Variants in PKD1 observed in about 807,000 individuals in gnomAD.
PKD1 encodes polycystin-1.
A neutral mutation model predicts 361.7 loss-of-function variants in PKD1; 81 were observed. That is an observed-to-expected ratio of 0.22 (90% CI 0.19 to 0.27). The LOEUF is 0.27. Ranked by LOEUF, PKD1 falls within the 10% of genes least tolerant of loss-of-function variation. The pLI is 1.00. For missense variants in PKD1, 6,399 were observed against 6,118.3 expected (o/e 1.05, Z -1.53); for synonymous variants, 3,615 against 2,818.3 (o/e 1.28, Z -8.95).
At position 2,112,950 on chromosome 16, in the gene PKD1, T is replaced by C; in HGVS notation, c.2999A>G (p.Asn1000Ser). The C allele has an allele frequency of 1.2e-6, 2 of 1,600,736 alleles. No individual in the cohort carries two copies. The highest frequency in any genetic ancestry group is 1.3e-5 in the African/African-American group (1 of 74,976). ...AVFKLSLTAS[N>S]HVSNVTVNYN... ...GTTCACGGTGACGTTGCTCACGTGG[T>C]TGGAGGCCGTCAGCTGCAGGGACAG... The change falls in exon 13 of 46, where the codon AAC becomes AGC. Residue 1000 changes from asparagine (N) to serine (S), a missense_variant. Asn to Ser is a conservative substitution (Grantham distance 46). Coordinates refer to ENST00000262304, the MANE Select transcript of PKD1 (RefSeq NM_001009944.3).
At position 2,108,408 on chromosome 16, in the gene PKD1, G is replaced by A. The variant is rs146131839; in HGVS notation, c.6759C>T (p.Pro2253=). ...CCTCAATGATGGGCACCAGGCGCTC[G>A]GGGGCCACCGTCACATTGGCCTGGA... The part of the protein sequence containing the change: ...QSIQANVTVA[P]ERLVPIIEGG... Residue 2253 remains proline, a synonymous_variant, in exon 15 of 46, where the codon CCC becomes CCT. Coordinates refer to ENST00000262304, the MANE Select transcript of PKD1 (RefSeq NM_001009944.3). The A allele has an allele frequency of 5.8e-5, 93 of 1,610,300 alleles. No homozygotes were observed. Among genetic ancestry groups the A allele is most frequent in the African/African-American group, 3.7e-4 (28 of 74,854 alleles).
Position 2,111,149 on chromosome 16 carries a change from G to A in PKD1, c.4018C>T (p.Arg1340Trp), listed in dbSNP as rs143690392. 3.6e-3 allele frequency: 5,775 copies of A among 1,611,100 alleles called. 15 individuals are homozygous for A. The highest frequency in any genetic ancestry group is 4.3e-3 in the Non-Finnish European group (5,083 of 1,179,744). ...FGDGSSNTTV[R>W]GCPTVTHNFT... ...TTGTGTGTCACCGTCGGGCACCCCCGCACGGTCGTGTTGGAGGAGCCATCC... is the reference window on the plus strand; with the variant it reads ...TTGTGTGTCACCGTCGGGCACCCCCACACGGTCGTGTTGGAGGAGCCATCC... The change falls in exon 15 of 46, where the codon CGG becomes TGG. Residue 1340 changes from arginine to tryptophan, a missense_variant. Transcript: ENST00000262304.
In PKD1 at chr16:2,097,161, GGTCC is replaced by G; in HGVS notation, c.10482_10485del (p.Asp3495CysfsTer31). The G allele has an allele frequency of 6.4e-7, 1 of 1,551,634 alleles. No individual in the cohort carries two copies. The highest frequency in any genetic ancestry group is 8.7e-7 in the Non-Finnish European group (1 of 1,147,538). On this transcript the variant is annotated frameshift_variant, in exon 34 of 46. Coordinates refer to ENST00000262304, the MANE Select transcript of PKD1 (RefSeq NM_001009944.3). LOFTEE classifies it high-confidence loss of function. ...CCGGACACTCACAGGCTGCTGAGCA[GGTCC>G]GTTTCCATGTGGGTGTCTTGGGTAG...
rs778770945 is a variant in PKD1 at position 2,090,738 on chromosome 16, T to C, written c.12074A>G (p.Glu4025Gly). Residue 4025 changes from glutamate to glycine, a missense_variant, in exon 44 of 46, where the codon GAG becomes GGG. Coordinates refer to ENST00000262304, the MANE Select transcript of PKD1 (RefSeq NM_001009944.3). ...FGKTLCRALP[E>G]LLGVTLGLVV... ...CAGGCCCAAGGTGACCCCCAGGAGCTCTGGCAGAGCTCGGCATAATGTCTT... is the reference window on the plus strand; with the variant it reads ...CAGGCCCAAGGTGACCCCCAGGAGCCCTGGCAGAGCTCGGCATAATGTCTT... 1.1e-5 allele frequency: 17 copies of C among 1,612,394 alleles called. No homozygotes were observed. The highest frequency in any genetic ancestry group is 1.4e-5 in the Non-Finnish European group (17 of 1,179,928).
intron 6 of PKD1, 148 bp downstream of exon 6, chr16:2,117,341 G>A (rs1190994693): frequency 4.7e-6 from 3 of 633,008 alleles, no homozygotes; most frequent in African/African-American, 1.8e-5. Context: ...AGAGCTGACA[G>A]GAACGGCCCC....
intron 26 of PKD1, 102 bp downstream of exon 26, chr16:2,101,959 C>T (rs2092114589): frequency 1.4e-6 from 1 of 740,376 alleles, no homozygotes; most frequent in Non-Finnish European, 2.4e-6. Context: ...ACTGCAAAAA[C>T]TGCCTTGTTC....
In PKD1 at chr16:2,099,425, G is replaced by A. The variant is rs1379802406; in HGVS notation, c.10050+219C>T. ...TGCAGTCGTCCGTGGCGTCTGCTTA[G>A]CAAAGTGCCCTCGTTCTTTCACCAT... On this transcript the variant is annotated intron_variant, in intron 30 of 45. Coordinates refer to ENST00000262304, the MANE Select transcript of PKD1 (RefSeq NM_001009944.3). 6 of 649,774 alleles carry A rather than the reference G, an allele frequency of 9.2e-6. No homozygotes were observed. The Admixed American group carries it at 1.3e-4, about 14-fold the overall frequency. 40.3% of individuals were successfully genotyped at this position (649,774 alleles called of 1,614,324 possible). A position where few individuals can be genotyped will look rare whatever the true frequency, so the allele number is the denominator to read the frequency against.
In PKD1 at chr16:2,103,424, T is replaced by C. The variant is rs372739547; in HGVS notation, c.8633A>G (p.Asn2878Ser). ...GCCCCGGGCAGCCCAGTCCGAGTTG[T>C]TGGGCACCTTCACGGTGATGGCGCG... Reference protein sequence around the residue: ...SERAITVKVPNNSDWAARGHR... With the variant: ...SERAITVKVPSNSDWAARGHR... The change falls in exon 23 of 46, where the codon AAC becomes AGC. Residue 2878 changes from asparagine to serine, a missense_variant. Coordinates refer to ENST00000262304, the MANE Select transcript of PKD1 (RefSeq NM_001009944.3). 1 of 1,599,268 alleles carries C rather than the reference T, an allele frequency of 6.3e-7. No homozygotes were observed.
chr16:2,120,037 C>T (rs1430567624), intron 1 of PKD1: 8 of 590,538 alleles, frequency 1.4e-5, no homozygotes, highest in Non-Finnish European at 2.4e-5. Flanking sequence ...CACAGTGAGA[C>T]CCCGTATCTA....
chr16:2,098,307 C>G lies in PKD1; in HGVS notation c.10051-323G>C. 7.2e-6 allele frequency: 3 copies of G among 416,186 alleles called. 1 individual carries two copies. Among genetic ancestry groups the G allele is most frequent in the South Asian group, 6.6e-5 (3 of 45,308 alleles). The allele number at this position is 416,186 out of a possible 1,614,324, so 25.8% of individuals were successfully genotyped here. On this transcript the variant is annotated intron_variant, in intron 30 of 45. Transcript: ENST00000262304. Reference sequence around the variant, plus strand: ...CACTGCAACCTCCACCTCCCGCGTTCAGGCGATTGTCCTGGCTCAGCCTCC... The same window carrying G: ...CACTGCAACCTCCACCTCCCGCGTTGAGGCGATTGTCCTGGCTCAGCCTCC...
In PKD1 at chr16:2,099,554, G is replaced by A. The variant is rs956360199; in HGVS notation, c.10050+90C>T. ...GCCTTTGGTGGACGCCTTTCCCTCT[G>A]GCTGCAGCACTGGAAAGTGGCGGCC... On this transcript the variant is annotated intron_variant, in intron 30 of 45. Transcript: ENST00000262304. The A allele has an allele frequency of 9.4e-6, 12 of 1,272,272 alleles. No individual in the cohort carries two copies. The African/African-American group carries it at 1.8e-4, about 19-fold the overall frequency. The allele number at this position is 1,272,272 out of a possible 1,614,324, so 78.8% of individuals were successfully genotyped here. A position where few individuals can be genotyped will look rare whatever the true frequency, so the allele number is the denominator to read the frequency against.
chr16:2,109,694 A>G lies in PKD1; in HGVS notation c.5473T>C (p.Phe1825Leu). 6.3e-7 allele frequency: 1 copy of G among 1,594,098 alleles called. No homozygotes were observed. Among genetic ancestry groups the G allele is most frequent in the South Asian group, 1.1e-5 (1 of 89,060 alleles). Residue 1825 changes from phenylalanine (F) to leucine (L), a missense_variant, in exon 15 of 46, where the codon TTT (phenylalanine) becomes CTT (leucine). By Grantham distance (22) the Phe-to-Leu change is conservative. Transcript: ENST00000262304. Reference sequence around the variant, plus strand: ...GTGCCCGTGGCCAGCTGCCCCCAAAAGGGCACAGAGGACCCGGCCGCCACG... The same window carrying G: ...GTGCCCGTGGCCAGCTGCCCCCAAAGGGGCACAGAGGACCCGGCCGCCACG... Reference protein sequence around the residue: ...SFVAAGSSVPFWGQLATGTNV... With the variant: ...SFVAAGSSVPLWGQLATGTNV...
rs747318092 is a variant in PKD1 at position 2,102,672 on chromosome 16, C to G, written c.8949-39G>C. 3.7e-6 allele frequency: 6 copies of G among 1,610,542 alleles called. No individual in the cohort carries two copies. The African/African-American group carries it at 8.0e-5, about 21-fold the overall frequency. ...GGGTAGCGGACGTGAGCCCAGGCTC[C>G]GCCAGGTTGGATGTCGCAGTCTCAG... is the stretch of plus-strand genomic sequence containing the variant. On this transcript the variant is annotated intron_variant, in intron 24 of 45. Coordinates refer to ENST00000262304, the MANE Select transcript of PKD1 (RefSeq NM_001009944.3).
chr16:2,112,241 G>A (rs2092531651), intron 14 of PKD1, 99 bp downstream of exon 14: 11 of 1,033,772 alleles, frequency 1.1e-5, no homozygotes, highest in Non-Finnish European at 1.6e-5. Flanking sequence ...CACAGTGAGG[G>A]CTGTTGGGGA....
At position 2,088,740 on chromosome 16, in the gene PKD1, C is replaced by A; in HGVS notation, c.*987G>T. Reference sequence around the variant, plus strand: ...CAGACAGCTCTTTTATTGACTTTGTCTGCTTGGTGCGGGGGTTGGGGGGGT... The same window carrying A: ...CAGACAGCTCTTTTATTGACTTTGTATGCTTGGTGCGGGGGTTGGGGGGGT... On this transcript the variant is annotated 3_prime_UTR_variant, in exon 46 of 46. Transcript: ENST00000262304. 7.7e-7 allele frequency: 1 copy of A among 1,302,276 alleles called. No individual in the cohort carries two copies. The highest frequency in any genetic ancestry group is 1.0e-6 in the Non-Finnish European group (1 of 953,416). 80.7% of individuals were successfully genotyped at this position (1,302,276 alleles called of 1,614,324 possible).
chr16:2,102,960 C>A lies in PKD1; in HGVS notation c.8802G>T (p.Leu2934=). The change falls in exon 24 of 46, where the codon CTG becomes CTT. Residue 2934 remains leucine (L), a synonymous_variant. Coordinates refer to ENST00000262304, the MANE Select transcript of PKD1 (RefSeq NM_001009944.3). The stretch of plus-strand genomic sequence containing the variant: ...CCAGGTAGGGCTCAGGTTCCTCAGA[C>A]AGGTAGTGGCCTGGGGCAGAACGCG... The part of the protein sequence containing the change: ...LNYTLLDGHY[L]SEEPEPYLAV... 1.9e-6 allele frequency: 3 copies of A among 1,605,388 alleles called. No individual in the cohort carries two copies. Among genetic ancestry groups the A allele is most frequent in the Non-Finnish European group, 1.7e-6 (2 of 1,179,742 alleles).
chr16:2,093,618 G>C lies in PKD1; in HGVS notation c.10942C>G (p.Pro3648Ala). The C allele has an allele frequency of 2.5e-6, 4 of 1,609,262 alleles. No individual in the cohort carries two copies. Among genetic ancestry groups the C allele is most frequent in the Non-Finnish European group, 3.4e-6 (4 of 1,178,270 alleles). ...AGGAAGAGTGCAAAGCCGTGGGGTGGCCGTACGCGGGGCACACGTGCGCTC... is the reference window on the plus strand; with the variant it reads ...AGGAAGAGTGCAAAGCCGTGGGGTGCCCGTACGCGGGGCACACGTGCGCTC... The part of the protein sequence containing the change: ...PVSARVPRVR[P>A]PHGFALFLAK... The change falls in exon 37 of 46, where the codon CCA (proline) becomes GCA (alanine). Residue 3648 changes from proline to alanine, a missense_variant. By Grantham distance (27) the Pro-to-Ala change is conservative. Coordinates refer to ENST00000262304, the MANE Select transcript of PKD1 (RefSeq NM_001009944.3).
At position 2,090,084 on chromosome 16, in the gene PKD1, C is replaced by T. The variant is rs747482154; in HGVS notation, c.12555G>A (p.Ser4185=). The T allele has an allele frequency of 7.5e-6, 12 of 1,608,786 alleles. No individual in the cohort carries two copies. Among genetic ancestry groups the T allele is most frequent in the Non-Finnish European group, 8.5e-6 (10 of 1,177,348 alleles). The part of the protein sequence containing the change: ...VPPPSAGSDA[S]HPSTSSSQLD... Reference sequence around the variant, plus strand: ...GCTGGCTGGAGGAGGTGGAGGGGTGCGAGGCATCGGAGCCAGCGCTGGGTG... The same window carrying T: ...GCTGGCTGGAGGAGGTGGAGGGGTGTGAGGCATCGGAGCCAGCGCTGGGTG... Residue 4185 remains serine, a synonymous_variant, in exon 46 of 46, where the codon TCG becomes TCA. Transcript: ENST00000262304.
At position 2,106,067 on chromosome 16, in the gene PKD1, G is replaced by C. The variant is rs375130579; in HGVS notation, c.7703+24C>G. The C allele has an allele frequency of 6.2e-7, 1 of 1,606,272 alleles. No individual in the cohort carries two copies. On this transcript the variant is annotated intron_variant, in intron 19 of 45. Transcript: ENST00000262304. The surrounding 1 kb of genome is among the most constrained non-coding windows in gnomAD (Gnocchi z 6.5). ...TGGTGAGCAGGTGGCAGTCTCGGGG[G>C]CGCCCTCCCACGGCCTGGCTCACCT... is the stretch of plus-strand genomic sequence containing the variant.
Sources: gnomAD v4.1 joint callset for allele counts on GRCh38, gnomAD v4.1.1 for gene constraint, Gnocchi (gnomAD v3.1) non-coding constraint, MANE v1.5 for transcripts, NCBI Gene and HGNC (gene_info 2026-07-23, HGNC 2026-07-21) for gene names.